ATP5PF: variants seen among roughly 807,000 people sequenced by gnomAD.
The protein encoded by ATP5PF is ATP synthase peripheral stalk subunit F6.
A neutral mutation model predicts 12.0 loss-of-function variants in ATP5PF; 7 were observed. The ratio of observed to expected loss-of-function variants is 0.58; its 90% CI spans 0.33 to 1.10. ATP5PF has a LOEUF of 1.10. Among genes scored for constraint, ATP5PF ranks in the 50% least tolerant of loss-of-function variants. ATP5PF has a pLI of 0.03. For missense variants in ATP5PF, 120 were observed against 127.7 expected, an observed-to-expected ratio of 0.94 and a Z score of 0.29; for synonymous variants, 41 against 45.4, an observed-to-expected ratio of 0.90 and a Z score of 0.39.
intron 1 of ATP5PF, among the ~76,000 whole-genome samples, chr21:25,731,250 A>G (rs1361941415): frequency 2.6e-5 from 4 of 152,214 alleles, no homozygotes; most frequent in Admixed American, 6.5e-5. Flanking sequence ...CAAAAAGAAA[A>G]AAAAGGAAAT....
chr21:25,734,672 G>C (rs914130494), intron 1 of ATP5PF, 181 bp downstream of exon 1: 1 of 589,916 alleles, frequency 1.7e-6, no homozygotes, highest in Non-Finnish European at 2.8e-6. Flanking sequence ...TGGGTCTACG[G>C]CAAACTCCAA....
chr21:25,734,388 C>A lies in ATP5PF; in HGVS notation c.-8+465G>T. ...TCAGTGCATATTCCTATGAACAATCCATAAAGTCGCCTAATGAAGTGTTAG... is the reference window on the plus strand; with the variant it reads ...TCAGTGCATATTCCTATGAACAATCAATAAAGTCGCCTAATGAAGTGTTAG... On this transcript the variant is annotated intron_variant, in intron 1 of 3. Transcript: ENST00000284971. 3.0e-6 allele frequency: 3 copies of A among 992,116 alleles called. No homozygotes were observed. In the South Asian group the frequency reaches 1.3e-4, roughly 43 times the overall value. 61.5% of individuals were successfully genotyped at this position (992,116 alleles called of 1,614,324 possible).
intron 1 of ATP5PF, chr21:25,734,549 C>T (rs1220427118): frequency 2.2e-6 from 1 of 460,552 alleles, no homozygotes; most frequent in Non-Finnish European, 3.2e-6. Context: ...AAAATCTCTC[C>T]CGCGCGCCTG....
intron 1 of ATP5PF, 64 bp from the exon 2 acceptor site, chr21:25,729,865 C>T: frequency 1.3e-6 from 2 of 1,499,998 alleles, no homozygotes; most frequent in South Asian, 1.2e-5. Flanking sequence ...CTAAATATAT[C>T]ATGAGAATCA....
chr21:25,728,645 C>T (rs35302636), intron 2 of ATP5PF, among the ~76,000 whole-genome samples: 31,024 of 152,032 alleles, frequency 0.2, 3,330 homozygotes, highest in East Asian at 0.34. Context: ...AAATTCTTCA[C>T]GTTTTTTTCT....
chr21:25,734,666 T>C, intron 1 of ATP5PF, 187 bp downstream of exon 1: 2 of 573,098 alleles, frequency 3.5e-6, no homozygotes, highest in South Asian at 3.0e-5. Context: ...TATTTCTGGG[T>C]CTACGGCAAA....
At chr21:25,727,389 A>G (rs1180622923) in intron 2 of ATP5PF, among the ~76,000 whole-genome samples, 1 of 152,202 alleles carries the variant, frequency 6.6e-6, no homozygotes, top group Admixed American at 6.5e-5. Context: ...AGTCACTCAG[A>G]AGATACTTGT....
At chr21:25,734,083 T>C (rs1420580720) in intron 1 of ATP5PF, among the ~76,000 whole-genome samples, 3 of 152,206 alleles carry the variant, frequency 2.0e-5, no homozygotes, top group Admixed American at 6.5e-5. Context: ...CTTTAATCCC[T>C]TTCATTTTTT....
intron 2 of ATP5PF, 68 bp from the exon 3 acceptor site, chr21:25,725,418 A>C (rs1601082738): frequency 7.0e-7 from 1 of 1,432,164 alleles, no homozygotes; most frequent in East Asian, 2.5e-5. Context: ...ATTACTTTTC[A>C]CCACCACATT....
At chr21:25,729,509 T>C (rs2034701017) in intron 2 of ATP5PF, 122 bp downstream of exon 2, 2 of 874,070 alleles carry the variant, frequency 2.3e-6, no homozygotes, top group Non-Finnish European at 3.3e-6. Context: ...AATGAACCTC[T>C]ATGTCAGAGA....
Position 25,729,795 on chromosome 21 carries a change from G to C in ATP5PF, c.-1C>G. 1 of 1,612,016 alleles carries C rather than the reference G, an allele frequency of 6.2e-7. No homozygotes were observed. The highest frequency in any genetic ancestry group is 1.1e-5 in the South Asian group (1 of 90,802). On this transcript the variant is annotated 5_prime_UTR_variant, in exon 2 of 4. Coordinates refer to ENST00000284971, the MANE Select transcript of ATP5PF (RefSeq NM_001003703.2). ...ACCTGAAGAGCCTCTGAAGAATCAT[G>C]CTGATTCTGTTACAGAAAACAAGCA...
At chr21:25,734,937 A>G, upstream of ATP5PF, 4 of 1,571,596 alleles carry the variant, frequency 2.5e-6, no homozygotes, top group South Asian at 1.2e-5. Context: ...CCACACGCCT[A>G]CCCGCCATCG....
intron 1 of ATP5PF, among the ~76,000 whole-genome samples, chr21:25,732,793 GA>G (rs2034821523): frequency 6.6e-6 from 1 of 151,902 alleles, no homozygotes; most frequent in African/African-American, 2.4e-5. Context: ...AGATCAGCCT[GA>G]CCAACATGGA....
chr21:25,729,537 T>C (rs1371814569), intron 2 of ATP5PF, 94 bp downstream of exon 2: 10 of 1,210,600 alleles, frequency 8.3e-6, no homozygotes, highest in Non-Finnish European at 1.1e-5. Context: ...AGTGAAGGTC[T>C]AATACTTTCA....
intron 2 of ATP5PF, among the ~76,000 whole-genome samples, chr21:25,729,219 G>A (rs1004350736): frequency 6.6e-6 from 1 of 152,042 alleles, no homozygotes. Context: ...CTAAATTGAG[G>A]CTAAAATATA....
intron 1 of ATP5PF, among the ~76,000 whole-genome samples, chr21:25,733,719 C>T (rs1428919061): frequency 1.3e-5 from 2 of 152,220 alleles, no homozygotes; most frequent in African/African-American, 4.8e-5. Flanking sequence ...TATATCCTTT[C>T]CTTGTACCCT....
intron 1 of ATP5PF, chr21:25,734,382 A>C: frequency 1.0e-6 from 1 of 991,312 alleles, no homozygotes; most frequent in Non-Finnish European, 1.2e-6. Context: ...ATTCCTATGA[A>C]CAATCCATAA....
At chr21:25,734,811 A>G in intron 1 of ATP5PF, 42 bp downstream of exon 1, 1 of 1,515,148 alleles carries the variant, frequency 6.6e-7, no homozygotes. Flanking sequence ...CCAGAACTGG[A>G]GTCCCAAAAG....
Position 25,729,686 on chromosome 21 carries a change from C to G in ATP5PF, c.109G>C (p.Asp37His). 1.2e-6 allele frequency: 2 copies of G among 1,613,002 alleles called. No individual in the cohort carries two copies. The highest frequency in any genetic ancestry group is 1.7e-6 in the Non-Finnish European group (2 of 1,179,496). The change falls in exon 2 of 4, where the codon GAT becomes CAT. Residue 37 changes from aspartate (D) to histidine (H), a missense_variant. Physicochemically the swap from Asp to His is moderately conservative, Grantham distance 81. Transcript: ENST00000284971. Reference sequence around the variant, plus strand: ...TCCACAAAGAGTTTCTGTATAGGATCAAGTTCCTTATTAAATGCCACTGCT... The same window carrying G: ...TCCACAAAGAGTTTCTGTATAGGATGAAGTTCCTTATTAAATGCCACTGCT... ...VTAVAFNKEL[D>H]PIQKLFVDKI...
Sources: allele counts gnomAD v4.1 joint callset (sites outside exome capture counted in the v4.1 genomes callset), GRCh38; gene constraint gnomAD v4.1.1; transcripts MANE v1.5; gene names NCBI Gene and HGNC (gene_info 2026-07-23, HGNC 2026-07-21).